TRIO: variants seen among roughly 807,000 people sequenced by gnomAD.
TRIO encodes triple functional domain protein.
Under a neutral mutation model 351.9 loss-of-function variants are expected in TRIO, and 58 were observed. The observed-to-expected ratio is 0.16, with a 90% CI of 0.13 to 0.21. The LOEUF (loss-of-function observed/expected upper bound fraction) is 0.21. TRIO is among the 10% of genes least tolerant of loss of function. TRIO has a pLI of 1.00. For synonymous variants in TRIO, 1,758 were observed against 1,595.7 expected (o/e 1.10, Z -2.42); for missense variants, 3,201 against 4,027.8 (o/e 0.79, Z 5.56).
At chr5:14,485,360 T>C in intron 47 of TRIO, 114 bp downstream of exon 47, 1 of 1,130,570 alleles carries the variant, frequency 8.8e-7, no homozygotes, top group African/African-American at 1.6e-5. Flanking sequence ...CACTCACCAC[T>C]CTTCAGGCAC....
intron 34 of TRIO, among the ~76,000 whole-genome samples, chr5:14,458,008 G>T (rs998171833): frequency 6.6e-6 from 1 of 150,572 alleles, no homozygotes; most frequent in Non-Finnish European, 1.5e-5. Context: ...ACCTGTACTT[G>T]ATTTCATTTT....
chr5:14,223,277 C>T (rs1372136038), intron 1 of TRIO, among the ~76,000 whole-genome samples: 6 of 49,852 alleles, frequency 1.2e-4, no homozygotes, highest in Non-Finnish European at 2.3e-4. Flanking sequence ...CTGAATGGGT[C>T]GACAAAAATG....
chr5:14,212,983 C>A (rs1306666826), intron 1 of TRIO, among the ~76,000 whole-genome samples: 1 of 152,142 alleles, frequency 6.6e-6, no homozygotes, highest in African/African-American at 2.4e-5. Flanking sequence ...TTTGTAATTT[C>A]TTGTTTCTGA....
At chr5:14,373,567 C>G (rs1745307340) in intron 18 of TRIO, among the ~76,000 whole-genome samples, 1 of 152,110 alleles carries the variant, frequency 6.6e-6, no homozygotes, top group East Asian at 1.9e-4. Context: ...ATCTAAAACC[C>G]TTATTTTAAA....
intron 1 of TRIO, among the ~76,000 whole-genome samples, chr5:14,261,714 G>T (rs566068668): frequency 6.6e-6 from 1 of 152,338 alleles, no homozygotes; most frequent in South Asian, 2.1e-4. Context: ...GGAGGTGCTG[G>T]AACGACAAGC....
rs980719524 is a variant in TRIO at position 14,288,387 on chromosome 5, G to A, written c.540+1324G>A. 5.1e-4 allele frequency among the ~76,000 whole-genome samples: 77 copies of A among 152,152 alleles called. 1 individual carries two copies. Among genetic ancestry groups the A allele is most frequent in the Middle Eastern group, 3.2e-3 (1 of 316 alleles). On this transcript the variant is annotated intron_variant, in intron 4 of 56. Transcript: ENST00000344204. ...GTGGAGATTATTAAAAGTCCAGCAG[G>A]ACCGGGTGTGGTGGCTCACGCCTGT...
At chr5:14,358,411 C>G in intron 12 of TRIO, 64 bp downstream of exon 12, 1 of 1,579,562 alleles carries the variant, frequency 6.3e-7, no homozygotes, top group Non-Finnish European at 8.6e-7. Context: ...TCCCCTTCCC[C>G]TTTTACTCTT....
chr5:14,446,883 A>C (rs777014727), intron 34 of TRIO, among the ~76,000 whole-genome samples: 12 of 152,164 alleles, frequency 7.9e-5, no homozygotes, highest in Non-Finnish European at 1.8e-4. Context: ...AGCTCTTTCT[A>C]AGCTAATATT....
At chr5:14,346,806 G>C (rs1026034258) in intron 11 of TRIO, among the ~76,000 whole-genome samples, 8 of 152,324 alleles carry the variant, frequency 5.3e-5, no homozygotes, top group African/African-American at 1.7e-4. Context: ...CTGTTGAATG[G>C]CTATAATAAA....
intron 15 of TRIO, among the ~76,000 whole-genome samples, chr5:14,365,588 T>C (rs7730781): frequency 1.8e-3 from 270 of 152,354 alleles, no homozygotes; most frequent in African/African-American, 6.2e-3. Flanking sequence ...TGTTGTGACC[T>C]GCTAACAAAG....
chr5:14,242,711 A>T (rs879319536), intron 1 of TRIO, among the ~76,000 whole-genome samples: 31 of 152,208 alleles, frequency 2.0e-4, no homozygotes, highest in Admixed American at 1.2e-3. Context: ...AGTAGCTGGG[A>T]CTGCAGGCGT....
chr5:14,447,315 A>T (rs1049706447), intron 34 of TRIO, among the ~76,000 whole-genome samples: 1 of 152,202 alleles, frequency 6.6e-6, no homozygotes, highest in African/African-American at 2.4e-5. Flanking sequence ...TAATGCTGTT[A>T]TTAAAATTAG....
intron 2 of TRIO, 70 bp from the exon 3 acceptor site, chr5:14,280,252 T>G: frequency 6.9e-7 from 1 of 1,443,666 alleles, no homozygotes; most frequent in Non-Finnish European, 9.7e-7. Flanking sequence ...TTTGACAGAG[T>G]GAATGGATGA....
rs771759376 is a variant in TRIO at position 14,358,913 on chromosome 5, ATAACT to A, written c.2217-442_2217-438del. ...GGAAAATTTATCAAATCGTTGACTG[ATAACT>A]TTACGTGACGTTCACTTTGCTGAGA... On this transcript the variant is annotated intron_variant, in intron 12 of 56. Coordinates refer to ENST00000344204, the MANE Select transcript of TRIO (RefSeq NM_007118.4). 6.5e-4 allele frequency among the ~76,000 whole-genome samples: 99 copies of A among 152,340 alleles called. 2 individuals are homozygous for A. The highest frequency in any genetic ancestry group is 6.8e-3 in the Middle Eastern group (2 of 294).
intron 1 of TRIO, among the ~76,000 whole-genome samples, chr5:14,249,259 TC>T (rs1421031109): frequency 6.6e-6 from 1 of 152,224 alleles, no homozygotes; most frequent in Non-Finnish European, 1.5e-5. Flanking sequence ...ATTTCTGAGT[TC>T]CAGAGCCATC....
chr5:14,315,013 C>T (rs532635944), intron 8 of TRIO, among the ~76,000 whole-genome samples: 10 of 152,232 alleles, frequency 6.6e-5, no homozygotes, highest in Non-Finnish European at 1.2e-4. Context: ...GCATTTCCAA[C>T]GTCTCAAATT....
rs1756997755 is a variant in TRIO at position 14,497,785 on chromosome 5, G to A, written c.8020-62G>A. The A allele has an allele frequency of 6.2e-7, 1 of 1,602,884 alleles. No individual in the cohort carries two copies. Among genetic ancestry groups the A allele is most frequent in the African/African-American group, 1.3e-5 (1 of 74,794 alleles). On this transcript the variant is annotated intron_variant, in intron 50 of 56. Transcript: ENST00000344204. The surrounding 1 kb of genome is among the most constrained non-coding windows in gnomAD (Gnocchi z 4.4). ...TCAACAATAATTGTAGCCCTGGAAT[G>A]AAAGGAATACACCTTAAAGTAGCTC...
chr5:14,495,700 G>A (rs191292559), intron 49 of TRIO, among the ~76,000 whole-genome samples: 1,511 of 150,430 alleles, frequency 0.01, 24 homozygotes, highest in African/African-American at 0.031. Context: ...CAGGCGTGGT[G>A]GCTCACGCCT....
At chr5:14,417,517 G>T (rs1293510921) in intron 33 of TRIO, among the ~76,000 whole-genome samples, 1 of 152,226 alleles carries the variant, frequency 6.6e-6, no homozygotes, top group Non-Finnish European at 1.5e-5. Flanking sequence ...GAGGATGTGC[G>T]GGCTCCTGGG....
Sources: allele counts gnomAD v4.1 joint callset (sites outside exome capture counted in the v4.1 genomes callset), GRCh38; gene constraint gnomAD v4.1.1; non-coding constraint Gnocchi (gnomAD v3.1); transcripts MANE v1.5; gene names NCBI Gene and HGNC (gene_info 2026-07-23, HGNC 2026-07-21).